KHDRBS2: variants seen among roughly 807,000 people sequenced by gnomAD.
KHDRBS2 encodes KH RNA binding domain containing, signal transduction associated 2, also known as KH domain-containing, RNA-binding, signal transduction-associated protein 2.
A neutral mutation model predicts 44.3 loss-of-function variants in KHDRBS2; 26 were observed. The observed-to-expected ratio is 0.59, with a 90% CI of 0.43 to 0.81. The LOEUF (loss-of-function observed/expected upper bound fraction) is 0.81. KHDRBS2 is among the 40% of genes least tolerant of loss of function. The probability of loss-of-function intolerance (pLI) is 0.00; values close to 1 mark genes in which losing one functional copy is unlikely to be tolerated. For synonymous variants in KHDRBS2, 194 were observed against 151.1 expected (o/e 1.28, Z -2.08); for missense variants, 476 against 433.1 (o/e 1.10, Z -0.88).
chr6:61,628,228 TTTTTTTTTTTTTTC>T, the KHDRBS2 span, among the ~76,000 whole-genome samples: 364 of 91,200 alleles, frequency 4.0e-3, 9 homozygotes, highest in African/African-American at 0.015. Context: ...TTTTTTTTTT[TTTTTTTTTTTTTTC>T]AACCTGGGCT....
rs138789374 is a variant in KHDRBS2 at position 61,727,995 on chromosome 6, T to G, written c.893+4687A>C. 4.3e-4 allele frequency among the ~76,000 whole-genome samples: 65 copies of G among 152,262 alleles called. 1 individual carries two copies. The highest frequency in any genetic ancestry group is 1.5e-3 in the African/African-American group (64 of 41,554). ...ACACATATGTTCACTGAAGCACTAT[T>G]CACAATAGCAAAGACATGGAATCAA... On this transcript the variant is annotated intron_variant, in intron 7 of 8. Transcript: ENST00000281156.
intron 4 of KHDRBS2, among the ~76,000 whole-genome samples, chr6:61,967,364 G>A (rs1770225063): frequency 6.6e-6 from 1 of 151,992 alleles, no homozygotes; most frequent in African/African-American, 2.4e-5. Flanking sequence ...GCTTGGAAAT[G>A]TAAGCCATTT....
chr6:62,006,261 AAG>A lies in KHDRBS2; in HGVS notation c.337-28051_337-28050del, dbSNP rs561619439. On this transcript the variant is annotated intron_variant, in intron 3 of 8. Coordinates refer to ENST00000281156, the MANE Select transcript of KHDRBS2 (RefSeq NM_152688.4). ...CTTAAAGGCAACAATGGAAGACAAA[AAG>A]AAATGTAGTAATAAATTTGAAATTC... 4.1e-4 allele frequency among the ~76,000 whole-genome samples: 63 copies of A among 152,162 alleles called. 1 individual carries two copies. The South Asian group carries it at 6.4e-3, about 16-fold the overall frequency.
At chr6:61,977,076 A>G (rs987258942) in intron 4 of KHDRBS2, among the ~76,000 whole-genome samples, 2 of 152,130 alleles carry the variant, frequency 1.3e-5, no homozygotes, top group Non-Finnish European at 2.9e-5. Flanking sequence ...TGATGCTTTT[A>G]AATTCTTGAA....
intron 1 of KHDRBS2, among the ~76,000 whole-genome samples, chr6:62,210,705 G>T (rs1248363581): frequency 1.3e-5 from 2 of 151,850 alleles, no homozygotes; most frequent in South Asian, 2.1e-4. Flanking sequence ...ATTATTCACA[G>T]AACACATTAT....
At chr6:62,238,603 T>G (rs1278692241) in intron 1 of KHDRBS2, among the ~76,000 whole-genome samples, 2 of 152,006 alleles carry the variant, frequency 1.3e-5, no homozygotes, top group African/African-American at 2.4e-5. Flanking sequence ...ATTACCATAT[T>G]CAACCCTTAA....
At chr6:62,089,903 T>A (rs1383191775) in intron 2 of KHDRBS2, among the ~76,000 whole-genome samples, 1 of 152,144 alleles carries the variant, frequency 6.6e-6, no homozygotes, top group Non-Finnish European at 1.5e-5. Flanking sequence ...AAACTTAGAA[T>A]AAAGCCACAG....
At chr6:61,949,603 G>A (rs1764329498) in intron 4 of KHDRBS2, among the ~76,000 whole-genome samples, 1 of 151,722 alleles carries the variant, frequency 6.6e-6, no homozygotes, top group African/African-American at 2.4e-5. Context: ...AAATACGTTG[G>A]TAATGTATTT....
chr6:61,710,096 T>C (rs1770255081), intron 7 of KHDRBS2, among the ~76,000 whole-genome samples: 1 of 151,710 alleles, frequency 6.6e-6, no homozygotes, highest in Non-Finnish European at 1.5e-5. Context: ...GTTATTTTCA[T>C]GCATCAGACT....
At chr6:61,624,606 G>C in the KHDRBS2 span, among the ~76,000 whole-genome samples, 1 of 152,118 alleles carries the variant, frequency 6.6e-6, no homozygotes, top group Admixed American at 6.5e-5. Context: ...TACAAGTATG[G>C]TACAAAATTG....
chr6:61,930,640 T>C (rs1260726103), intron 4 of KHDRBS2, among the ~76,000 whole-genome samples: 1 of 142,168 alleles, frequency 7.0e-6, no homozygotes, highest in African/African-American at 2.7e-5. Flanking sequence ...GAGGTTGCAG[T>C]GAGCCAAGAT....
chr6:61,916,108 C>T (rs1439226992), intron 4 of KHDRBS2, among the ~76,000 whole-genome samples: 2 of 152,030 alleles, frequency 1.3e-5, no homozygotes, highest in East Asian at 3.8e-4. Context: ...AAACTTAATT[C>T]TCCTGATGCC....
At chr6:62,169,033 T>TTATATATATATA (rs1162997779) in intron 2 of KHDRBS2, among the ~76,000 whole-genome samples, 2 of 31,018 alleles carry the variant, frequency 6.4e-5, no homozygotes, top group African/African-American at 1.3e-4. Context: ...TGTTCTCCAG[T>TTATATATATATA]CATATATATA....
chr6:62,283,223 A>T (rs80110343), intron 1 of KHDRBS2, among the ~76,000 whole-genome samples: 1 of 152,104 alleles, frequency 6.6e-6, no homozygotes, highest in Non-Finnish European at 1.5e-5. Flanking sequence ...GTAACAATCA[A>T]CTGAAATCAT....
intron 3 of KHDRBS2, among the ~76,000 whole-genome samples, chr6:62,008,189 T>C (rs746310063): frequency 2.8e-4 from 42 of 152,126 alleles, no homozygotes; most frequent in Non-Finnish European, 5.3e-4. Flanking sequence ...GCAAATAAAA[T>C]GCAGATTTGC....
At chr6:61,848,471 A>ATATATATATATATATG (rs1794747657) in intron 6 of KHDRBS2, among the ~76,000 whole-genome samples, 1 of 47,004 alleles carries the variant, frequency 2.1e-5, no homozygotes, top group Non-Finnish European at 3.7e-5. Context: ...TGGAGGTTTT[A>ATATATATATATATATG]TATATATATA....
At chr6:61,743,059 A>C (rs1452605298) in intron 6 of KHDRBS2, among the ~76,000 whole-genome samples, 4 of 152,102 alleles carry the variant, frequency 2.6e-5, no homozygotes. Context: ...ATCTCTGGGG[A>C]GGCTAATGCT....
intron 6 of KHDRBS2, among the ~76,000 whole-genome samples, chr6:61,880,340 G>T (rs1343510775): frequency 6.6e-6 from 1 of 151,938 alleles, no homozygotes; most frequent in Non-Finnish European, 1.5e-5. Context: ...AAATTTTAAT[G>T]GAGGAGATTG....
intron 4 of KHDRBS2, among the ~76,000 whole-genome samples, chr6:61,950,815 T>C (rs1021356165): frequency 3.3e-5 from 5 of 152,094 alleles, no homozygotes; most frequent in Non-Finnish European, 7.4e-5. Context: ...TCTTTATGTA[T>C]ACATATTAAT....
Sources: gnomAD v4.1 joint callset for allele counts (sites outside exome capture counted in the v4.1 genomes callset) on GRCh38, gnomAD v4.1.1 for gene constraint, MANE v1.5 for transcripts, NCBI Gene and HGNC (gene_info 2026-07-23, HGNC 2026-07-21) for gene names.